NDUFA5: variants seen among roughly 807,000 people sequenced by gnomAD.
NDUFA5 encodes the protein NADH:ubiquinone oxidoreductase subunit A5, also known as NADH dehydrogenase [ubiquinone] 1 alpha subcomplex subunit 5.
A neutral mutation model predicts 19.8 loss-of-function variants in NDUFA5; 11 were observed. The ratio of observed to expected loss-of-function variants is 0.56; its 90% CI spans 0.35 to 0.92. The LOEUF (loss-of-function observed/expected upper bound fraction) is 0.92. NDUFA5 is among the 40% of genes least tolerant of loss of function. The pLI is 0.01. For synonymous variants in NDUFA5, 47 were observed against 46.8 expected (o/e 1.00, Z -0.01); for missense variants, 109 against 134.2 (o/e 0.81, Z 0.93).
the NDUFA5 span, among the ~76,000 whole-genome samples, chr7:123,587,728 G>A: frequency 1.3e-5 from 2 of 151,636 alleles, no homozygotes; most frequent in Non-Finnish European, 3.0e-5. Context: ...CTAATTAGCT[G>A]AGAGTTTTTA....
chr7:123,548,682 C>T (rs1462485026), intron 3 of NDUFA5, among the ~76,000 whole-genome samples: 1 of 152,148 alleles, frequency 6.6e-6, no homozygotes, highest in Non-Finnish European at 1.5e-5. Context: ...ACTTAGAAGG[C>T]CTTCTATACC....
the NDUFA5 span, among the ~76,000 whole-genome samples, chr7:123,600,620 A>G: frequency 1.3e-5 from 2 of 152,248 alleles, no homozygotes; most frequent in African/African-American, 2.4e-5. Flanking sequence ...AATGTATGCA[A>G]TGATCTAACT....
At chr7:123,599,120 C>T in the NDUFA5 span, among the ~76,000 whole-genome samples, 1 of 151,108 alleles carries the variant, frequency 6.6e-6, no homozygotes, top group Non-Finnish European at 1.5e-5. Flanking sequence ...TGGTCAAGTA[C>T]AAAAAAGAAA....
At chr7:123,567,426 T>A in the NDUFA5 span, among the ~76,000 whole-genome samples, 1 of 152,148 alleles carries the variant, frequency 6.6e-6, no homozygotes, top group Admixed American at 6.5e-5. Context: ...TTTACAAAAT[T>A]TGCTTTGTGA....
Position 123,545,679 on chromosome 7 carries a change from A to AT in NDUFA5, c.184-4dup, listed in dbSNP as rs1244195298. ...TCTAATTTTTTAACATCTGGTTCCT[A>AT]TAATTTCAGGGAGAAAAAAAATTAA... On this transcript the variant is annotated splice_region_variant and splice_polypyrimidine_tract_variant and intron_variant, in intron 3 of 4. Coordinates refer to ENST00000355749, the MANE Select transcript of NDUFA5 (RefSeq NM_005000.5). 1.2e-6 allele frequency: 2 copies of AT among 1,602,824 alleles called. No homozygotes were observed. The highest frequency in any genetic ancestry group is 8.5e-7 in the Non-Finnish European group (1 of 1,174,220).
At position 123,541,398 on chromosome 7, in the gene NDUFA5, CTTTT is replaced by C. The variant is rs1419161828; in HGVS notation, c.*717_*720del. 6.6e-6 allele frequency: 1 copy of C among 152,194 alleles called. No homozygotes were observed. Among genetic ancestry groups the C allele is most frequent in the Non-Finnish European group, 1.5e-5 (1 of 68,012 alleles). The allele number at this position is 152,194 out of a possible 1,614,324, so 9.4% of individuals were successfully genotyped here. A position where few individuals can be genotyped will look rare whatever the true frequency, so the allele number is the denominator to read the frequency against. On this transcript the variant is annotated 3_prime_UTR_variant, in exon 5 of 5. Transcript: ENST00000355749. ...AACCTGTATGCAATGGGAAATCTTT[CTTTT>C]AAGTACCAAGTCAATTTCTTTAACT...
At chr7:123,546,146 A>G (rs1798123912) in intron 3 of NDUFA5, among the ~76,000 whole-genome samples, 1 of 152,168 alleles carries the variant, frequency 6.6e-6, no homozygotes, top group Non-Finnish European at 1.5e-5. Context: ...AATAACCCAA[A>G]TGATCATCTG....
At chr7:123,544,864 A>G (rs1011460672) in intron 4 of NDUFA5, among the ~76,000 whole-genome samples, 17 of 151,246 alleles carry the variant, frequency 1.1e-4, no homozygotes, top group African/African-American at 4.1e-4. Context: ...TTTCCAGCCT[A>G]TTTACATCAG....
chr7:123,566,065 C>T, the NDUFA5 span, among the ~76,000 whole-genome samples: 1 of 151,656 alleles, frequency 6.6e-6, no homozygotes, highest in Non-Finnish European at 1.5e-5. Context: ...GAAATAGGGT[C>T]ATTGCAGATG....
chr7:123,561,698 A>C (rs1166359059), upstream of NDUFA5, among the ~76,000 whole-genome samples: 1 of 152,090 alleles, frequency 6.6e-6, no homozygotes, highest in Non-Finnish European at 1.5e-5. Context: ...CCCCAGTTCA[A>C]GCAATTCTCC....
chr7:123,574,317 A>AG, the NDUFA5 span, among the ~76,000 whole-genome samples: 24 of 152,090 alleles, frequency 1.6e-4, no homozygotes, highest in Admixed American at 1.6e-3. Flanking sequence ...AGCCCAGGAC[A>AG]ATCTTTTAAG....
upstream of NDUFA5, among the ~76,000 whole-genome samples, chr7:123,562,292 G>T (rs1798699546): frequency 1.3e-5 from 2 of 152,082 alleles, no homozygotes; most frequent in Non-Finnish European, 2.9e-5. Context: ...TTTCAGGATG[G>T]TAAGTGAGCA....
intron 2 of NDUFA5, among the ~76,000 whole-genome samples, chr7:123,553,488 CTACAATTCAA>C (rs1448759803): frequency 6.6e-6 from 1 of 152,138 alleles, no homozygotes; most frequent in African/African-American, 2.4e-5. Context: ...ATTATGGGAG[CTACAATTCAA>C]GATGAGATTT....
At chr7:123,559,983 T>G (rs905177982), upstream of NDUFA5, among the ~76,000 whole-genome samples, 4 of 148,338 alleles carry the variant, frequency 2.7e-5, no homozygotes, top group Admixed American at 2.0e-4. Flanking sequence ...GAAAAAAAAA[T>G]TATACACCAC....
chr7:123,582,265 T>C, the NDUFA5 span, among the ~76,000 whole-genome samples: 2 of 151,494 alleles, frequency 1.3e-5, no homozygotes, highest in Non-Finnish European at 2.9e-5. Context: ...TGTGTGACAA[T>C]GGGAGATGGG....
chr7:123,575,595 A>G, the NDUFA5 span, among the ~76,000 whole-genome samples: 9 of 152,034 alleles, frequency 5.9e-5, no homozygotes, highest in African/African-American at 2.2e-4. Flanking sequence ...AATGTTCCCT[A>G]CTACTCCATT....
chr7:123,599,909 C>T, the NDUFA5 span, among the ~76,000 whole-genome samples: 1 of 152,188 alleles, frequency 6.6e-6, no homozygotes, highest in African/African-American at 2.4e-5. Context: ...ACTAGAGGCA[C>T]TGTTTGAAAA....
chr7:123,578,948 G>C, the NDUFA5 span, among the ~76,000 whole-genome samples: 1 of 151,942 alleles, frequency 6.6e-6, no homozygotes, highest in Non-Finnish European at 1.5e-5. Context: ...ACATATGCAG[G>C]TTTGTTACAT....
At chr7:123,582,207 A>G in the NDUFA5 span, among the ~76,000 whole-genome samples, 3 of 152,100 alleles carry the variant, frequency 2.0e-5, no homozygotes, top group East Asian at 5.8e-4. Flanking sequence ...TTTGAGGGAC[A>G]GGTTCAACCC....
Sources: allele counts gnomAD v4.1 joint callset (sites outside exome capture counted in the v4.1 genomes callset), GRCh38; gene constraint gnomAD v4.1.1; transcripts MANE v1.5; gene names NCBI Gene and HGNC (gene_info 2026-07-23, HGNC 2026-07-21).